XIRP2: variants seen among roughly 807,000 people sequenced by gnomAD.
The protein encoded by XIRP2 is xin actin binding repeat containing 2.
Under a neutral mutation model 277.0 loss-of-function variants are expected in XIRP2, and 236 were observed. The ratio of observed to expected loss-of-function variants is 0.85; its 90% CI spans 0.77 to 0.95. The LOEUF (loss-of-function observed/expected upper bound fraction) is 0.95, where lower values mean the gene tolerates loss of function less well. Among genes scored for constraint, XIRP2 ranks in the 40% least tolerant of loss-of-function variants. The probability of loss-of-function intolerance (pLI) is 0.00; values close to 1 mark genes in which losing one functional copy is unlikely to be tolerated. For synonymous variants in XIRP2, 1,490 were observed against 1,416.5 expected (o/e 1.05, Z -1.17); for missense variants, 4,640 against 4,157.5 (o/e 1.12, Z -3.19).
chr2:167,088,543 A>T (rs1574243750), intron 2 of XIRP2, among the ~76,000 whole-genome samples: 5 of 152,160 alleles, frequency 3.3e-5, no homozygotes, highest in Admixed American at 3.3e-4. Context: ...CAAGCCCCAG[A>T]TTTGAAACCT....
intron 4 of XIRP2, among the ~76,000 whole-genome samples, chr2:167,217,575 TGTGG>T (rs1694292860): frequency 1.3e-5 from 2 of 152,290 alleles, no homozygotes; most frequent in Admixed American, 1.3e-4. Flanking sequence ...TATTTTAAAA[TGTGG>T]GTAATAGGTG....
chr2:167,126,565 G>A (rs1330354023), intron 2 of XIRP2, among the ~76,000 whole-genome samples: 2 of 152,164 alleles, frequency 1.3e-5, no homozygotes, highest in Non-Finnish European at 2.9e-5. Context: ...CTAAGGCTAA[G>A]GATGTTATGA....
intron 2 of XIRP2, among the ~76,000 whole-genome samples, chr2:167,109,163 C>T (rs920636616): frequency 5.3e-5 from 8 of 151,778 alleles, no homozygotes; most frequent in Non-Finnish European, 1.0e-4. Flanking sequence ...AGGATGATGT[C>T]CTCCAACTCT....
At position 167,205,353 on chromosome 2, in the gene XIRP2, C is replaced by T. The variant is rs536848660; in HGVS notation, c.563-5382C>T. On this transcript the variant is annotated intron_variant, in intron 3 of 10. Coordinates refer to ENST00000409195, the MANE Select transcript of XIRP2 (RefSeq NM_152381.6). ...TCAATTATATGATTACTTATACAAA[C>T]CTTATTAATTATATAAGTAATTATA... 5.3e-5 allele frequency among the ~76,000 whole-genome samples: 8 copies of T among 152,166 alleles called. No homozygotes were observed. The South Asian group carries it at 1.7e-3, about 32-fold the overall frequency.
At chr2:166,981,137 A>T (rs1045638729) in intron 2 of XIRP2, among the ~76,000 whole-genome samples, 12 of 152,152 alleles carry the variant, frequency 7.9e-5, no homozygotes, top group Admixed American at 4.6e-4. Flanking sequence ...TAGTGTATTA[A>T]TTTATTGGGG....
chr2:166,948,548 G>C (rs951896094), intron 2 of XIRP2, among the ~76,000 whole-genome samples: 7 of 151,952 alleles, frequency 4.6e-5, no homozygotes, highest in Non-Finnish European at 8.8e-5. Context: ...AATAATCTTT[G>C]TGGGCTAAGA....
intron 4 of XIRP2, among the ~76,000 whole-genome samples, chr2:167,215,186 T>A (rs960534372): frequency 1.3e-5 from 2 of 152,176 alleles, no homozygotes; most frequent in Non-Finnish European, 2.9e-5. Flanking sequence ...ACCCTTCCCC[T>A]TTTTCACTGT....
At chr2:167,026,070 T>C (rs1456885667) in intron 2 of XIRP2, among the ~76,000 whole-genome samples, 1 of 152,122 alleles carries the variant, frequency 6.6e-6, no homozygotes, top group Admixed American at 6.6e-5. Flanking sequence ...AAGTCTCCCA[T>C]TATTATTGTG....
intron 2 of XIRP2, among the ~76,000 whole-genome samples, chr2:167,114,824 T>G (rs1286046967): frequency 1.3e-5 from 2 of 152,200 alleles, no homozygotes; most frequent in Non-Finnish European, 2.9e-5. Context: ...ATGTGCCACA[T>G]TTTCTTACTC....
chr2:167,208,774 A>G (rs1693934056), intron 3 of XIRP2, among the ~76,000 whole-genome samples: 1 of 152,226 alleles, frequency 6.6e-6, no homozygotes, highest in Admixed American at 6.5e-5. Context: ...CTGAACTTCT[A>G]TTAAGATTAC....
intron 1 of XIRP2, among the ~76,000 whole-genome samples, chr2:166,896,013 C>T (rs1157112744): frequency 6.6e-6 from 1 of 152,116 alleles, no homozygotes. Flanking sequence ...TGGAAGACTG[C>T]ATCTGTGGAT....
intron 3 of XIRP2, among the ~76,000 whole-genome samples, chr2:167,149,459 T>C (rs1691951022): frequency 6.6e-6 from 1 of 152,116 alleles, no homozygotes; most frequent in Non-Finnish European, 1.5e-5. Flanking sequence ...ATGAAGAATT[T>C]GAAAGTGAAC....
intron 3 of XIRP2, among the ~76,000 whole-genome samples, chr2:167,176,287 G>A (rs73025710): frequency 8.9e-4 from 136 of 152,114 alleles, no homozygotes; most frequent in Middle Eastern, 3.4e-3. Flanking sequence ...CACTTCCCAC[G>A]TGAGGCAATG....
intron 5 of XIRP2, among the ~76,000 whole-genome samples, chr2:167,234,031 A>C (rs1694832104): frequency 6.6e-6 from 1 of 151,560 alleles, no homozygotes; most frequent in Non-Finnish European, 1.5e-5. Context: ...TCTTTTTATG[A>C]ATCTTCAGAA....
chr2:166,962,537 G>A (rs1686325488), intron 2 of XIRP2, among the ~76,000 whole-genome samples: 1 of 151,672 alleles, frequency 6.6e-6, no homozygotes, highest in African/African-American at 2.4e-5. Flanking sequence ...TTTATTGCAA[G>A]CATATATTCA....
At chr2:166,972,509 A>G (rs1267246177) in intron 2 of XIRP2, among the ~76,000 whole-genome samples, 1 of 152,174 alleles carries the variant, frequency 6.6e-6, no homozygotes, top group Non-Finnish European at 1.5e-5. Context: ...AATATTCTGT[A>G]AGGAAGGAAG....
intron 2 of XIRP2, among the ~76,000 whole-genome samples, chr2:166,959,606 A>G (rs1343883023): frequency 6.6e-6 from 1 of 151,858 alleles, no homozygotes; most frequent in Non-Finnish European, 1.5e-5. Flanking sequence ...ATTAAAGGCT[A>G]CATTTATGAT....
At chr2:167,231,800 G>C (rs1266918892) in intron 5 of XIRP2, among the ~76,000 whole-genome samples, 1 of 151,936 alleles carries the variant, frequency 6.6e-6, no homozygotes, top group African/African-American at 2.4e-5. Context: ...ATAATGGCTG[G>C]TGGCAGGAGA....
chr2:166,908,147 G>T (rs973344806), intron 2 of XIRP2, among the ~76,000 whole-genome samples: 1 of 152,148 alleles, frequency 6.6e-6, no homozygotes, highest in African/African-American at 2.4e-5. Flanking sequence ...GGATGGCTGG[G>T]TTAAATGGTA....
Sources: allele counts gnomAD v4.1 joint callset (sites outside exome capture counted in the v4.1 genomes callset), GRCh38; gene constraint gnomAD v4.1.1; transcripts MANE v1.5; gene names NCBI Gene and HGNC (gene_info 2026-07-23, HGNC 2026-07-21).